The following CNTN4 variants were observed in gnomAD, a reference collection of about 807,000 sequenced individuals.
The protein encoded by CNTN4 is contactin-4.
Under a neutral mutation model 122.5 loss-of-function variants are expected in CNTN4, and 77 were observed. The observed-to-expected ratio is 0.63, with a 90% CI of 0.52 to 0.76. CNTN4 has a LOEUF of 0.76. Ranked by LOEUF, CNTN4 falls within the 30% of genes least tolerant of loss-of-function variation. The probability of loss-of-function intolerance (pLI) is 0.00; values close to 1 mark genes in which losing one functional copy is unlikely to be tolerated. For synonymous variants in CNTN4, 512 were observed against 447.0 expected, an observed-to-expected ratio of 1.15 and a Z score of -1.83; for missense variants, 1,256 against 1,259.1, an observed-to-expected ratio of 1.00 and a Z score of 0.04.
intron 2 of CNTN4, among the ~76,000 whole-genome samples, chr3:2,180,940 CA>C (rs1176187502): frequency 6.6e-6 from 1 of 152,020 alleles, no homozygotes; most frequent in African/African-American, 2.4e-5. Context: ...AGTCATGTGT[CA>C]AATATTGCCT....
At chr3:2,946,704 CTT>C (rs55883455) in intron 13 of CNTN4, among the ~76,000 whole-genome samples, 7 of 119,362 alleles carry the variant, frequency 5.9e-5, no homozygotes, top group Admixed American at 9.5e-5. Context: ...TTTTTTTTTT[CTT>C]TTTTTTTTTT....
intron 3 of CNTN4, among the ~76,000 whole-genome samples, chr3:2,438,784 G>A (rs111873863): frequency 5.3e-5 from 8 of 152,204 alleles, no homozygotes; most frequent in African/African-American, 1.9e-4. Flanking sequence ...CCACGGTCTG[G>A]AGTCTGGTTC....
At chr3:2,235,486 T>C (rs1199053375) in intron 2 of CNTN4, among the ~76,000 whole-genome samples, 1 of 152,170 alleles carries the variant, frequency 6.6e-6, no homozygotes, top group Non-Finnish European at 1.5e-5. Flanking sequence ...CTTTTTCTAA[T>C]AATTCCTATA....
At chr3:2,355,120 A>G (rs2044812670) in intron 3 of CNTN4, among the ~76,000 whole-genome samples, 1 of 152,180 alleles carries the variant, frequency 6.6e-6, no homozygotes, top group African/African-American at 2.4e-5. Flanking sequence ...ACATCCTTGA[A>G]TTATGCGCAG....
At chr3:2,766,845 A>G (rs1197234004) in intron 6 of CNTN4, among the ~76,000 whole-genome samples, 1 of 152,238 alleles carries the variant, frequency 6.6e-6, no homozygotes, top group Non-Finnish European at 1.5e-5. Context: ...TATTGAGAAC[A>G]CAGCAATATT....
intron 3 of CNTN4, among the ~76,000 whole-genome samples, chr3:2,365,703 A>G (rs2045350833): frequency 6.6e-6 from 1 of 152,122 alleles, no homozygotes; most frequent in African/African-American, 2.4e-5. Context: ...TGCAATTCTC[A>G]GTGTGATTCT....
intron 3 of CNTN4, among the ~76,000 whole-genome samples, chr3:2,474,633 TCACA>T (rs1559586704): frequency 6.6e-6 from 1 of 152,200 alleles, no homozygotes; most frequent in African/African-American, 2.4e-5. Context: ...TAAGGCAGTC[TCACA>T]CCCTATTAAG....
chr3:2,627,570 T>G (rs975595366), intron 4 of CNTN4, among the ~76,000 whole-genome samples: 2 of 147,644 alleles, frequency 1.4e-5, no homozygotes, highest in Admixed American at 6.9e-5. Context: ...CTCGGCTCAC[T>G]GCAAGCTCCG....
At chr3:2,751,566 A>G (rs1197489734) in intron 6 of CNTN4, among the ~76,000 whole-genome samples, 1 of 152,130 alleles carries the variant, frequency 6.6e-6, no homozygotes, top group Non-Finnish European at 1.5e-5. Context: ...AAATCAGAAG[A>G]TAAGGCCTAA....
rs67731967 is a variant in CNTN4 at position 2,820,961 on chromosome 3, C to CTTT, written c.454+1396_454+1398dup. ...TTCTCACATGCAACATTTTCTCTTT[C>CTTT]TTTTTTTTTTTTTTTTTTGAGACAG... On this transcript the variant is annotated intron_variant, in intron 7 of 24. Transcript: ENST00000418658. Among the ~76,000 whole-genome samples the CTTT allele has an allele frequency of 2.2e-3, 232 of 107,542 alleles. 8 individuals carry two copies. Among genetic ancestry groups the CTTT allele is most frequent in the African/African-American group, 4.2e-3 (112 of 26,478 alleles). 70.6% of individuals were successfully genotyped at this position (107,542 alleles called of 152,430 possible).
intron 3 of CNTN4, among the ~76,000 whole-genome samples, chr3:2,425,703 G>A (rs990699083): frequency 6.6e-6 from 1 of 152,158 alleles, no homozygotes; most frequent in Non-Finnish European, 1.5e-5. Context: ...CTATCCATGA[G>A]CATGGAATGT....
intron 12 of CNTN4, among the ~76,000 whole-genome samples, chr3:2,923,729 CTG>C (rs1163523767): frequency 6.6e-6 from 1 of 152,142 alleles, no homozygotes; most frequent in Non-Finnish European, 1.5e-5. Flanking sequence ...CACACATACA[CTG>C]TATTTTTTGT....
At chr3:2,408,747 C>T (rs946393724) in intron 3 of CNTN4, among the ~76,000 whole-genome samples, 1 of 152,076 alleles carries the variant, frequency 6.6e-6, no homozygotes, top group Non-Finnish European at 1.5e-5. Context: ...GTGAAAATAG[C>T]TTCATCATAG....
intron 16 of CNTN4, among the ~76,000 whole-genome samples, chr3:3,033,912 A>C (rs7644104): frequency 6.6e-6 from 1 of 152,020 alleles, no homozygotes; most frequent in East Asian, 1.9e-4. Flanking sequence ...GAAGAGAAGT[A>C]GAAAAATACG....
chr3:2,651,135 A>G (rs928261979), intron 4 of CNTN4, among the ~76,000 whole-genome samples: 1 of 152,154 alleles, frequency 6.6e-6, no homozygotes, highest in African/African-American at 2.4e-5. Flanking sequence ...CTTCTAAGAC[A>G]TGGTGGACCT....
chr3:2,481,425 GC>G (rs1411414388), intron 3 of CNTN4, among the ~76,000 whole-genome samples: 1 of 152,108 alleles, frequency 6.6e-6, no homozygotes, highest in East Asian at 1.9e-4. Flanking sequence ...ACAGGTGTGA[GC>G]CACTGTGCCC....
chr3:2,537,967 A>C (rs951103019), intron 3 of CNTN4, among the ~76,000 whole-genome samples: 1 of 151,866 alleles, frequency 6.6e-6, no homozygotes, highest in Middle Eastern at 3.4e-3. Context: ...CCTACCCCCA[A>C]AATTCATCTG....
chr3:2,711,635 C>T (rs543752141), intron 4 of CNTN4, among the ~76,000 whole-genome samples: 11 of 152,232 alleles, frequency 7.2e-5, no homozygotes, highest in East Asian at 3.9e-4. Context: ...AAATGCTAAA[C>T]GCAGAGAGGA....
intron 14 of CNTN4, among the ~76,000 whole-genome samples, chr3:3,021,508 C>A (rs985857277): frequency 1.3e-5 from 2 of 152,048 alleles, no homozygotes; most frequent in Non-Finnish European, 2.9e-5. Flanking sequence ...CCTATAAAAA[C>A]TAATTTAAGG....
Sources: allele counts gnomAD v4.1 joint callset (sites outside exome capture counted in the v4.1 genomes callset), GRCh38; gene constraint gnomAD v4.1.1; transcripts MANE v1.5; gene names NCBI Gene and HGNC (gene_info 2026-07-23, HGNC 2026-07-21).